SPHKAP: variants seen among roughly 807,000 people sequenced by gnomAD.
SPHKAP encodes A-kinase anchor protein SPHKAP.
Under a neutral mutation model 137.5 loss-of-function variants are expected in SPHKAP, and 67 were observed. That is an observed-to-expected ratio of 0.49 (90% CI 0.40 to 0.60). The LOEUF (loss-of-function observed/expected upper bound fraction) is 0.60. Among genes scored for constraint, SPHKAP ranks in the 20% least tolerant of loss-of-function variants. The pLI is 0.00. For synonymous variants in SPHKAP, 813 were observed against 785.3 expected, an observed-to-expected ratio of 1.04 and a Z score of -0.59; for missense variants, 2,097 against 2,069.3, an observed-to-expected ratio of 1.01 and a Z score of -0.26.
intron 2 of SPHKAP, among the ~76,000 whole-genome samples, chr2:228,126,308 G>T (rs1213828633): frequency 7.2e-5 from 11 of 152,112 alleles, no homozygotes; most frequent in Admixed American, 7.2e-4. Flanking sequence ...ATTAATTAGG[G>T]TGACATAGAG....
At chr2:228,138,359 A>G (rs1439977030) in intron 1 of SPHKAP, among the ~76,000 whole-genome samples, 2 of 152,236 alleles carry the variant, frequency 1.3e-5, no homozygotes, top group African/African-American at 4.8e-5. Context: ...CTGCTGCAAT[A>G]ACTTGCATAA....
intron 1 of SPHKAP, among the ~76,000 whole-genome samples, chr2:228,163,594 A>G (rs12473553): frequency 0.14 from 21,698 of 152,100 alleles, 1,557 homozygotes; most frequent in East Asian, 0.2. Flanking sequence ...TATAACGTAC[A>G]CAGGTCAACA....
At chr2:228,081,543 CTAAG>C (rs1273564162) in intron 3 of SPHKAP, among the ~76,000 whole-genome samples, 6 of 152,062 alleles carry the variant, frequency 3.9e-5, no homozygotes, top group African/African-American at 1.4e-4. Context: ...TGGAATTACC[CTAAG>C]TGTCTATCAG....
At chr2:228,115,363 T>G (rs1470844773) in intron 2 of SPHKAP, among the ~76,000 whole-genome samples, 2 of 152,110 alleles carry the variant, frequency 1.3e-5, no homozygotes, top group Non-Finnish European at 2.9e-5. Context: ...CCTTCCCCAC[T>G]TCCAGTGCCT....
chr2:228,045,637 T>C (rs1190166728), intron 3 of SPHKAP, among the ~76,000 whole-genome samples: 2 of 151,726 alleles, frequency 1.3e-5, no homozygotes, highest in South Asian at 2.1e-4. Flanking sequence ...TTAGGAGATA[T>C]ACCTAATGCT....
At chr2:228,092,508 A>G (rs62636161) in intron 3 of SPHKAP, among the ~76,000 whole-genome samples, 30 of 56,246 alleles carry the variant, frequency 5.3e-4, no homozygotes, top group Non-Finnish European at 7.1e-4. Context: ...ATATGTATAC[A>G]TATATGTGCC....
At chr2:228,055,371 A>G (rs1406904061) in intron 3 of SPHKAP, among the ~76,000 whole-genome samples, 1 of 152,156 alleles carries the variant, frequency 6.6e-6, no homozygotes, top group Admixed American at 6.5e-5. Flanking sequence ...TGATAGTATG[A>G]GTATGAAATG....
intron 3 of SPHKAP, among the ~76,000 whole-genome samples, chr2:228,029,057 G>T (rs960591400): frequency 3.9e-5 from 6 of 152,238 alleles, no homozygotes; most frequent in Non-Finnish European, 5.9e-5. Context: ...TCAAGCCACA[G>T]GGAATAAGAG....
intron 3 of SPHKAP, among the ~76,000 whole-genome samples, chr2:228,086,608 C>G (rs1230965805): frequency 6.6e-6 from 1 of 152,130 alleles, no homozygotes; most frequent in East Asian, 1.9e-4. Context: ...CACCCTCACT[C>G]AAATTTGCTC....
At chr2:228,176,659 G>C (rs1184070354) in intron 1 of SPHKAP, among the ~76,000 whole-genome samples, 1 of 152,216 alleles carries the variant, frequency 6.6e-6, no homozygotes, top group Non-Finnish European at 1.5e-5. Context: ...TGGGTCACCT[G>C]AGATCAGTTT....
At position 227,991,042 on chromosome 2, in the gene SPHKAP, G is replaced by A. The variant is rs1347771812; in HGVS notation, c.4917C>T (p.Pro1639=). 5 of 1,614,042 alleles carry A rather than the reference G, an allele frequency of 3.1e-6. No individual in the cohort carries two copies. The highest frequency in any genetic ancestry group is 3.4e-6 in the Non-Finnish European group (4 of 1,180,030). The change falls in exon 11 of 12, where the codon CCC becomes CCT. Residue 1639 remains proline, a synonymous_variant. Coordinates refer to ENST00000392056, the MANE Select transcript of SPHKAP (RefSeq NM_001142644.2). ...QWIAASELGI[P]TIYFKKSQEN... ...CCTGAGATTTCTTAAAGTAGATGGT[G>A]GGAATCCCCAGTTCAGAGGCAGCTA...
intron 3 of SPHKAP, among the ~76,000 whole-genome samples, chr2:228,046,291 C>CTTTTTTTTTTTTTTTTTTT (rs58510792): frequency 3.6e-5 from 3 of 82,524 alleles, no homozygotes; most frequent in Non-Finnish European, 6.6e-5. Flanking sequence ...TGTTGTTATT[C>CTTTTTTTTTTTTTTTTTTT]TTTTTTTTTT....
In SPHKAP at chr2:228,017,191, G is replaced by A; in HGVS notation, c.3663C>T (p.Ala1221=). Residue 1221 remains alanine (A), a synonymous_variant, in exon 7 of 12, where the codon GCC becomes GCT. Coordinates refer to ENST00000392056, the MANE Select transcript of SPHKAP (RefSeq NM_001142644.2). The part of the protein sequence containing the change: ...SSRRSSQDWT[A]GLLSPSLRSP... ...ATCGCAGAGAAGGAGACAGCAGGCC[G>A]GCTGTCCAATCCTGGCTGCTCCGTC... The A allele has an allele frequency of 5.6e-6, 9 of 1,613,862 alleles. No homozygotes were observed. Among genetic ancestry groups the A allele is most frequent in the African/African-American group, 1.3e-5 (1 of 75,004 alleles).
chr2:228,019,368 G>T lies in SPHKAP; in HGVS notation c.1486C>A (p.Leu496Ile), dbSNP rs777862587. 4.3e-6 allele frequency: 7 copies of T among 1,614,170 alleles called. No individual in the cohort carries two copies. In the South Asian group the frequency reaches 7.7e-5, roughly 18 times the overall value. ...ENSSRQPQSA[L>I]EVALACAATV... ...GCTGCACAAGCTAACGCCACTTCTA[G>T]AGCACTCTGGGGTTGTCTGCTGGAG... Residue 496 changes from leucine (L) to isoleucine (I), a missense_variant, in exon 7 of 12, where the codon CTA (leucine) becomes ATA (isoleucine). Transcript: ENST00000392056.
chr2:228,147,889 G>A (rs1454250412), intron 1 of SPHKAP, among the ~76,000 whole-genome samples: 1 of 152,112 alleles, frequency 6.6e-6, no homozygotes, highest in Non-Finnish European at 1.5e-5. Context: ...TTACTCAGTT[G>A]CACTTAATCA....
intron 3 of SPHKAP, among the ~76,000 whole-genome samples, chr2:228,055,726 G>C (rs908722701): frequency 3.3e-5 from 5 of 152,200 alleles, no homozygotes; most frequent in African/African-American, 1.2e-4. Flanking sequence ...AGTGATGGCA[G>C]CCTCAGCTGC....
chr2:228,156,815 CT>C (rs1700120821), intron 1 of SPHKAP, among the ~76,000 whole-genome samples: 1 of 152,156 alleles, frequency 6.6e-6, no homozygotes, highest in African/African-American at 2.4e-5. Context: ...TGCACATGCC[CT>C]CTTTGCTTGT....
At chr2:228,011,420 G>A (rs375391490) in intron 7 of SPHKAP, among the ~76,000 whole-genome samples, 1 of 152,168 alleles carries the variant, frequency 6.6e-6, no homozygotes, top group East Asian at 1.9e-4. Context: ...ACAGAGACTG[G>A]TAGATGCCCT....
At chr2:228,022,180 G>C in intron 5 of SPHKAP, 1 of 985,210 alleles carries the variant, frequency 1.0e-6, no homozygotes, top group Non-Finnish European at 1.2e-6. Flanking sequence ...CTGACTTAGG[G>C]AAAAATAGAT....
Sources: gnomAD v4.1 joint callset for allele counts (sites outside exome capture counted in the v4.1 genomes callset) on GRCh38, gnomAD v4.1.1 for gene constraint, MANE v1.5 for transcripts, NCBI Gene and HGNC (gene_info 2026-07-23, HGNC 2026-07-21) for gene names.